NTRK2: variants seen among roughly 807,000 people sequenced by gnomAD.
NTRK2 encodes the protein neurotrophic receptor tyrosine kinase 2.
A neutral mutation model predicts 94.5 loss-of-function variants in NTRK2; 13 were observed. That is an observed-to-expected ratio of 0.14 (90% CI 0.09 to 0.22). The LOEUF is 0.22. Ranked by LOEUF, NTRK2 falls within the 10% of genes least tolerant of loss-of-function variation. NTRK2 has a pLI of 1.00. For missense variants in NTRK2, 639 were observed against 1,071.2 expected, an observed-to-expected ratio of 0.60 and a Z score of 5.63; for synonymous variants, 372 against 407.4, an observed-to-expected ratio of 0.91 and a Z score of 1.05.
rs1198919780 is a variant in NTRK2, at chr9:84,748,285, T to A, written c.1296+3212T>A. ...ATTTCTCAATCTGATTTTGAGGAAG[T>A]AATTCTTTTCATTGTCAAAGGCATC... On this transcript the variant is annotated intron_variant, in intron 11 of 18. Coordinates refer to ENST00000277120, the MANE Select transcript of NTRK2 (RefSeq NM_006180.6). 2.0e-5 allele frequency among the ~76,000 whole-genome samples: 3 copies of A among 152,246 alleles called. No individual in the cohort carries two copies. The South Asian group carries it at 6.2e-4, about 32-fold the overall frequency.
intron 2 of NTRK2, among the ~76,000 whole-genome samples, chr9:84,695,650 G>A (rs1468812484): frequency 6.6e-6 from 1 of 152,192 alleles, no homozygotes. Flanking sequence ...CTGTGTTTAT[G>A]TTCTAATTCT....
intron 17 of NTRK2, among the ~76,000 whole-genome samples, chr9:84,989,333 T>G (rs982503419): frequency 5.3e-5 from 8 of 152,252 alleles, no homozygotes; most frequent in Non-Finnish European, 1.0e-4. Context: ...CGTTCTTCAT[T>G]TATTCTTCCA....
At chr9:84,980,324 G>A (rs546962617) in intron 17 of NTRK2, among the ~76,000 whole-genome samples, 2 of 152,314 alleles carry the variant, frequency 1.3e-5, no homozygotes, top group African/African-American at 4.8e-5. Flanking sequence ...TGTGCAGAGA[G>A]CATGATTGTA....
intron 12 of NTRK2, among the ~76,000 whole-genome samples, chr9:84,856,580 C>T (rs533098897): frequency 1.8e-4 from 28 of 152,148 alleles, no homozygotes; most frequent in Non-Finnish European, 3.5e-4. Flanking sequence ...ACTCTGGACT[C>T]AACTCTGGTC....
intron 12 of NTRK2, among the ~76,000 whole-genome samples, chr9:84,773,083 T>C (rs555627472): frequency 2.0e-5 from 3 of 152,356 alleles, no homozygotes; most frequent in South Asian, 4.1e-4. Flanking sequence ...CCTTTTTTTT[T>C]ACTTTCTTAA....
chr9:84,758,553 G>A (rs1285177618), intron 12 of NTRK2, among the ~76,000 whole-genome samples: 1 of 152,006 alleles, frequency 6.6e-6, no homozygotes, highest in East Asian at 1.9e-4. Context: ...TACCACGCCC[G>A]GCTAATTTTG....
chr9:84,834,505 T>C (rs2073755519), intron 12 of NTRK2, among the ~76,000 whole-genome samples: 1 of 152,126 alleles, frequency 6.6e-6, no homozygotes, highest in Non-Finnish European at 1.5e-5. Flanking sequence ...CTAATTACAT[T>C]TTTTCCCTTG....
Position 84,833,499 on chromosome 9 carries a change from GGGAA to G in NTRK2, c.1397-27526_1397-27523del, listed in dbSNP as rs1014376287. Among the ~76,000 whole-genome samples the G allele has an allele frequency of 1.1e-4, 17 of 148,384 alleles. 1 individual carries two copies. Among genetic ancestry groups the G allele is most frequent in the South Asian group, 8.6e-4 (4 of 4,666 alleles). On this transcript the variant is annotated intron_variant, in intron 12 of 18. Coordinates refer to ENST00000277120, the MANE Select transcript of NTRK2 (RefSeq NM_006180.6). ...GGAAGGAACAGGAAAGAAAGAAAGA[GGGAA>G]GGAAGGAAGGAAGGGATCACTCTAG... is the stretch of plus-strand genomic sequence containing the variant.
At chr9:84,776,787 G>C (rs1477063808) in intron 12 of NTRK2, among the ~76,000 whole-genome samples, 1 of 152,228 alleles carries the variant, frequency 6.6e-6, no homozygotes, top group East Asian at 1.9e-4. Flanking sequence ...TTATAGGAGA[G>C]GAACCCTGAA....
intron 2 of NTRK2, among the ~76,000 whole-genome samples, chr9:84,697,268 T>C (rs2060440639): frequency 6.6e-6 from 1 of 152,130 alleles, no homozygotes; most frequent in Non-Finnish European, 1.5e-5. Flanking sequence ...GTGAGATTCC[T>C]GTGAGGCAAG....
chr9:84,671,155 C>G (rs1003398677), intron 2 of NTRK2, among the ~76,000 whole-genome samples, 195 bp downstream of exon 2: 3 of 152,170 alleles, frequency 2.0e-5, no homozygotes, highest in African/African-American at 7.2e-5. Context: ...AAGTGTGACA[C>G]TTTAGAATAA....
At chr9:84,999,346 T>G (rs1359201100) in intron 17 of NTRK2, among the ~76,000 whole-genome samples, 9 of 152,222 alleles carry the variant, frequency 5.9e-5, no homozygotes, top group African/African-American at 2.2e-4. Flanking sequence ...GTATTGTCTG[T>G]TAAGTCTTTA....
intron 14 of NTRK2, among the ~76,000 whole-genome samples, chr9:84,883,642 G>A (rs143743834): frequency 6.6e-6 from 1 of 152,118 alleles, no homozygotes; most frequent in African/African-American, 2.4e-5. Context: ...ACCAAATAGC[G>A]GATGAGAAGA....
At chr9:84,933,508 C>G (rs1047266583) in intron 14 of NTRK2, among the ~76,000 whole-genome samples, 2 of 152,186 alleles carry the variant, frequency 1.3e-5, no homozygotes, top group Non-Finnish European at 2.9e-5. Flanking sequence ...TCTTCTTGGC[C>G]TTGGAGAGCC....
chr9:84,722,943 T>C (rs927061768), intron 6 of NTRK2, among the ~76,000 whole-genome samples: 15 of 152,336 alleles, frequency 9.8e-5, no homozygotes, highest in African/African-American at 3.6e-4. Context: ...ATTTTACCTA[T>C]AATATTTAAC....
chr9:84,947,606 A>G (rs2078643756), intron 15 of NTRK2, among the ~76,000 whole-genome samples: 1 of 152,180 alleles, frequency 6.6e-6, no homozygotes, highest in Admixed American at 6.5e-5. Context: ...AGCTGGAGAG[A>G]GATGCAGGTG....
intron 17 of NTRK2, among the ~76,000 whole-genome samples, chr9:84,982,989 T>G (rs570536762): frequency 6.6e-6 from 1 of 152,266 alleles, no homozygotes; most frequent in South Asian, 2.1e-4. Context: ...CCCATGTGAC[T>G]TTTGTTGGGC....
chr9:84,775,452 AC>A (rs1233839275), intron 12 of NTRK2, among the ~76,000 whole-genome samples: 2 of 152,170 alleles, frequency 1.3e-5, no homozygotes, highest in Non-Finnish European at 2.9e-5. Flanking sequence ...AGCAACATAA[AC>A]CATAAAGATT....
chr9:84,730,968 T>C (rs2062847729), intron 9 of NTRK2, among the ~76,000 whole-genome samples: 1 of 152,002 alleles, frequency 6.6e-6, no homozygotes, highest in Non-Finnish European at 1.5e-5. Context: ...CTCCCAGTTG[T>C]TTTGGTAAGA....
Sources: gnomAD v4.1 joint callset for allele counts (sites outside exome capture counted in the v4.1 genomes callset) on GRCh38, gnomAD v4.1.1 for gene constraint, MANE v1.5 for transcripts, NCBI Gene and HGNC (gene_info 2026-07-23, HGNC 2026-07-21) for gene names.